Variants in SERPINE3 observed in about 807,000 individuals in gnomAD.
SERPINE3 encodes serpin family E member 3.
In SERPINE3, 43 loss-of-function variants were observed where a neutral mutation model predicts 41.7. The observed-to-expected ratio is 1.03, with a 90% confidence interval of 0.81 to 1.33. The LOEUF is 1.33. Among genes scored for constraint, SERPINE3 ranks in the 40% most tolerant of loss-of-function variants. The probability of loss-of-function intolerance (pLI) is 0.00; values close to 1 mark genes in which losing one functional copy is unlikely to be tolerated. For missense variants in SERPINE3, 440 were observed against 491.7 expected, an observed-to-expected ratio of 0.89 and a Z score of 0.99; for synonymous variants, 200 against 192.2, an observed-to-expected ratio of 1.04 and a Z score of -0.34.
chr13:51,352,709 A>T (rs1955418414), intron 6 of SERPINE3, among the ~76,000 whole-genome samples: 3 of 152,060 alleles, frequency 2.0e-5, no homozygotes, highest in Non-Finnish European at 4.4e-5. Flanking sequence ...AATGTGTGAT[A>T]TTAGCTGTGG....
In SERPINE3 at chr13:51,364,325, T is replaced by C. The variant is rs1289316477; in HGVS notation, c.*43T>C. 18 of 1,190,704 alleles carry C rather than the reference T, an allele frequency of 1.5e-5. No individual in the cohort carries two copies. The East Asian group carries it at 4.2e-4, about 28-fold the overall frequency. The allele number at this position is 1,190,704 out of a possible 1,614,324, so 73.8% of individuals were successfully genotyped here. A position where few individuals can be genotyped will look rare whatever the true frequency, so the allele number is the denominator to read the frequency against. ...TCATCAATGCTTTTCTTCATAAAGT[T>C]ATAATTTCATTTTGCTATACCCTTG... is the stretch of plus-strand genomic sequence containing the variant. On this transcript the variant is annotated 3_prime_UTR_variant, in exon 10 of 10. Transcript: ENST00000681248.
At chr13:51,349,888 G>A (rs1955387873) in intron 6 of SERPINE3, among the ~76,000 whole-genome samples, 1 of 152,160 alleles carries the variant, frequency 6.6e-6, no homozygotes, top group African/African-American at 2.4e-5. Flanking sequence ...TTAGGAAAAT[G>A]AAGTTATTTC....
intron 4 of SERPINE3, among the ~76,000 whole-genome samples, chr13:51,345,240 C>A (rs1365186976): frequency 1.3e-5 from 2 of 152,092 alleles, no homozygotes; most frequent in Non-Finnish European, 2.9e-5. Context: ...GGTCCACAGG[C>A]CAGGATTCTA....
In SERPINE3 at chr13:51,347,131, A is replaced by G. The variant is rs1162183765; in HGVS notation, c.597A>G (p.Arg199=). The change falls in exon 5 of 10, where the codon CGA becomes CGG. Residue 199 remains arginine, a synonymous_variant. Transcript: ENST00000681248. The stretch of plus-strand genomic sequence containing the variant: ...CCATGTCCTTCCAAGGCACTTGGCG[A>G]AAGAGATTCTCCTCCACAGACACAC... The part of the protein sequence containing the change: ...VSTMSFQGTW[R]KRFSSTDTQI... The G allele has an allele frequency of 6.2e-7, 1 of 1,613,688 alleles. No homozygotes were observed. Among genetic ancestry groups the G allele is most frequent in the Non-Finnish European group, 8.5e-7 (1 of 1,179,772 alleles).
chr13:51,361,291 T>C lies in SERPINE3; in HGVS notation c.1014T>C (p.Phe338=), dbSNP rs986915028. 8 of 1,609,016 alleles carry C rather than the reference T, an allele frequency of 5.0e-6. No homozygotes were observed. The highest frequency in any genetic ancestry group is 6.8e-6 in the Non-Finnish European group (8 of 1,177,048). ...NLKGISGQDG[F]YVSEAIHKAK... is the part of the protein sequence containing the mutation. ...TTCTGTGGTTAGGCCAAGATGGCTT[T>C]TATGTTTCTGAAGCAATCCACAAGG... The change falls in exon 8 of 10, where the codon TTT becomes TTC. Residue 338 remains phenylalanine, a synonymous_variant. Coordinates refer to ENST00000681248, the MANE Select transcript of SERPINE3 (RefSeq NM_001386375.1).
intron 6 of SERPINE3, 47 bp downstream of exon 6, chr13:51,348,458 G>A: frequency 1.3e-6 from 2 of 1,541,494 alleles, no homozygotes; most frequent in Non-Finnish European, 1.8e-6. Context: ...CCAGCAGTCA[G>A]AAGAGCGTGG....
chr13:51,344,837 A>G (rs1300648117), intron 4 of SERPINE3, among the ~76,000 whole-genome samples: 2 of 152,202 alleles, frequency 1.3e-5, no homozygotes, highest in African/African-American at 4.8e-5. Flanking sequence ...GCTCTCATTT[A>G]TAATAAACCA....
intron 2 of SERPINE3, 71 bp from the exon 3 acceptor site, chr13:51,341,004 C>G: frequency 6.8e-7 from 1 of 1,477,750 alleles, no homozygotes; most frequent in Non-Finnish European, 9.2e-7. Context: ...GGTCCCAGTC[C>G]TCTGTGGGAC....
In SERPINE3 at chr13:51,347,188, C is replaced by G; in HGVS notation, c.654C>G (p.Leu218=). 1 of 1,613,970 alleles carries G rather than the reference C, an allele frequency of 6.2e-7. No individual in the cohort carries two copies. The highest frequency in any genetic ancestry group is 8.5e-7 in the Non-Finnish European group (1 of 1,179,864). The change falls in exon 5 of 10, where the codon CTC becomes CTG. Residue 218 remains leucine, a synonymous_variant. Transcript: ENST00000681248. ...QILPFTCAYG[L]VLQVPMMHQT... is the part of the protein sequence containing the mutation. ...TGCCTTTCACCTGTGCCTATGGCCT[C>G]GTCCTTCAGGTCCCCATGATGCACC...
chr13:51,361,694 A>G, intron 8 of SERPINE3, 116 bp from the exon 9 acceptor site: 1 of 926,356 alleles, frequency 1.1e-6, no homozygotes, highest in Non-Finnish European at 1.6e-6. Context: ...ACAGTAAACA[A>G]TCAAATGCCA....
intron 4 of SERPINE3, among the ~76,000 whole-genome samples, chr13:51,346,186 C>T (rs986152695): frequency 8.5e-5 from 13 of 152,282 alleles, no homozygotes; most frequent in South Asian, 8.3e-4. Flanking sequence ...AAAAACTATC[C>T]CCTTAAGGGT....
intron 6 of SERPINE3, among the ~76,000 whole-genome samples, chr13:51,352,419 A>G (rs1955413719): frequency 2.0e-5 from 3 of 151,270 alleles, no homozygotes; most frequent in African/African-American, 7.3e-5. Flanking sequence ...TGATTTTTGT[A>G]TCTTAATCTT....
intron 9 of SERPINE3, chr13:51,362,156 T>C (rs1955591505): frequency 1.0e-6 from 1 of 990,578 alleles, no homozygotes; most frequent in Non-Finnish European, 1.4e-6. Context: ...TTTAATGCTA[T>C]AGGTTTCTAC....
chr13:51,351,271 G>A (rs1288132541), intron 6 of SERPINE3, among the ~76,000 whole-genome samples: 1 of 152,146 alleles, frequency 6.6e-6, no homozygotes, highest in Non-Finnish European at 1.5e-5. Context: ...TACCAGTAAT[G>A]TGTGTGGAAT....
chr13:51,353,213 G>GA (rs1955426755), intron 6 of SERPINE3, among the ~76,000 whole-genome samples: 1 of 151,812 alleles, frequency 6.6e-6, no homozygotes, highest in Non-Finnish European at 1.5e-5. Flanking sequence ...TTTAGTTTAT[G>GA]AAAAATGATA....
intron 4 of SERPINE3, among the ~76,000 whole-genome samples, chr13:51,345,821 A>G (rs1285275745): frequency 6.6e-6 from 1 of 152,254 alleles, no homozygotes; most frequent in African/African-American, 2.4e-5. Flanking sequence ...GTAAGGCCAG[A>G]GAAGCAGCTC....
Position 51,361,277 on chromosome 13 carries a change from G to C in SERPINE3, c.1001-1G>C. On this transcript the variant is annotated splice_acceptor_variant, in intron 7 of 9. Transcript: ENST00000681248. LOFTEE classifies it high-confidence loss of function. ...ACATTTTTATCATTTTCTGTGGTTA[G>C]GCCAAGATGGCTTTTATGTTTCTGA... 2 of 1,603,906 alleles carry C rather than the reference G, an allele frequency of 1.2e-6. No homozygotes were observed. The highest frequency in any genetic ancestry group is 1.1e-5 in the South Asian group (1 of 89,806).
At chr13:51,341,004 C>T in intron 2 of SERPINE3, 71 bp from the exon 3 acceptor site, 1 of 1,477,750 alleles carries the variant, frequency 6.8e-7, no homozygotes, top group Non-Finnish European at 9.2e-7. Flanking sequence ...GGTCCCAGTC[C>T]TCTGTGGGAC....
chr13:51,359,906 A>G (rs975776616), intron 7 of SERPINE3, among the ~76,000 whole-genome samples: 1 of 152,088 alleles, frequency 6.6e-6, no homozygotes, highest in African/African-American at 2.4e-5. Flanking sequence ...ACCAACTGCT[A>G]AAATAAATCA....
Sources: gnomAD v4.1 joint callset for allele counts (sites outside exome capture counted in the v4.1 genomes callset) on GRCh38, gnomAD v4.1.1 for gene constraint, MANE v1.5 for transcripts, NCBI Gene and HGNC (gene_info 2026-07-23, HGNC 2026-07-21) for gene names.